The following XPO6 variants were observed in gnomAD, a reference collection of about 807,000 sequenced individuals.
XPO6 encodes the protein exportin 6.
A neutral mutation model predicts 130.0 loss-of-function variants in XPO6; 3 were observed. The ratio of observed to expected loss-of-function variants is 0.02; its 90% CI spans 0.01 to 0.06. The LOEUF is 0.06. Among genes scored for constraint, XPO6 ranks in the 10% least tolerant of loss-of-function variants. The pLI, the probability that XPO6 is intolerant of heterozygous loss-of-function variation, is 1.00. For missense variants in XPO6, 970 were observed against 1,393.0 expected (o/e 0.70, Z 4.83); for synonymous variants, 524 against 548.9 (o/e 0.95, Z 0.63).
chr16:28,139,618 TA>T (rs2042848096), intron 9 of XPO6, among the ~76,000 whole-genome samples: 1 of 152,150 alleles, frequency 6.6e-6, no homozygotes. Context: ...AAAACCTCAA[TA>T]TAAAGAAGAG....
intron 1 of XPO6, among the ~76,000 whole-genome samples, chr16:28,184,916 C>T (rs1398064533): frequency 6.6e-6 from 1 of 152,156 alleles, no homozygotes; most frequent in Non-Finnish European, 1.5e-5. Flanking sequence ...AATTCTACTC[C>T]TTGATATATA....
In XPO6 at chr16:28,101,158, G is replaced by A; in HGVS notation, c.3276+300C>T. ...CATCACCCAGGAGGGAGAACGGCAG[G>A]GTCCTGGGTATGAACAAAGATGCCA... On this transcript the variant is annotated intron_variant, in intron 23 of 23. Transcript: ENST00000304658. This position sits in a 1 kb window ranked among gnomAD's most constrained non-coding sequence, Gnocchi z 5.4. The A allele has an allele frequency of 4.3e-6, 2 of 467,298 alleles. No individual in the cohort carries two copies. Among genetic ancestry groups the A allele is most frequent in the South Asian group, 2.0e-5 (1 of 49,018 alleles). 28.9% of individuals were successfully genotyped at this position (467,298 alleles called of 1,614,324 possible). A position where few individuals can be genotyped will look rare whatever the true frequency, so the allele number is the denominator to read the frequency against.
chr16:28,133,153 C>T (rs577928252), intron 11 of XPO6, among the ~76,000 whole-genome samples: 2 of 152,234 alleles, frequency 1.3e-5, no homozygotes, highest in East Asian at 1.9e-4. Context: ...CTGGCTAACA[C>T]GGTGAAACCC....
rs759193941 is a variant in XPO6 at position 28,104,696 on chromosome 16, A to C, written c.2796T>G (p.Pro932=). 2.5e-6 allele frequency: 4 copies of C among 1,613,988 alleles called. No homozygotes were observed. The East Asian group carries it at 8.9e-5, about 36-fold the overall frequency. ...VYPIIAERPS[P]DVKAELFELL... is the part of the protein sequence containing the mutation. The stretch of plus-strand genomic sequence containing the variant: ...GCTCAAACAGCTCGGCCTTCACATC[A>C]GGGGAGGGACGCTGCAAAGACACAC... The change falls in exon 21 of 24, where the codon CCT becomes CCG. Residue 932 remains proline (P), a synonymous_variant. Transcript: ENST00000304658.
chr16:28,144,505 A>C (rs1476389366), intron 9 of XPO6, among the ~76,000 whole-genome samples: 1 of 152,148 alleles, frequency 6.6e-6, no homozygotes, highest in Non-Finnish European at 1.5e-5. Context: ...TGAACTCCTG[A>C]GCTCCAGCGA....
chr16:28,205,092 A>G (rs1223613041), intron 1 of XPO6, among the ~76,000 whole-genome samples: 2 of 152,110 alleles, frequency 1.3e-5, no homozygotes, highest in African/African-American at 2.4e-5. Context: ...AAAGTGAGGA[A>G]TTAGAGACCA....
rs1488764349 is a variant in XPO6 at position 28,125,782 on chromosome 16, C to T, written c.1673G>A (p.Ser558Asn). 1.2e-6 allele frequency: 2 copies of T among 1,614,198 alleles called. No homozygotes were observed. Among genetic ancestry groups the T allele is most frequent in the Non-Finnish European group, 1.7e-6 (2 of 1,180,034 alleles). Residue 558 changes from serine to asparagine, a missense_variant, in exon 13 of 24, where the codon AGC (serine) becomes AAC (asparagine). Ser to Asn is a conservative substitution (Grantham distance 46, BLOSUM62 1). Transcript: ENST00000304658. ...RRLHCSLRDL[S>N]SLLQAVGRLA... The stretch of plus-strand genomic sequence containing the variant: ...GCGGCCCACGGCCTGCAGCAGGGAG[C>T]TCAAGTCTCTCAGGGAGCAGTGCAG...
At chr16:28,165,391 CTAAAGAA>C (rs1402517121) in intron 6 of XPO6, 1 of 152,156 alleles carries the variant, frequency 6.6e-6, no homozygotes, top group Non-Finnish European at 1.5e-5. Flanking sequence ...AAATATCTAC[CTAAAGAA>C]TAAAGGTTTG....
At chr16:28,188,803 A>C (rs2043738146) in intron 1 of XPO6, among the ~76,000 whole-genome samples, 1 of 151,850 alleles carries the variant, frequency 6.6e-6, no homozygotes, top group Admixed American at 6.6e-5. Flanking sequence ...ACATCTACCT[A>C]TCCCCCTCCT....
In XPO6 at chr16:28,133,831, A is replaced by G; in HGVS notation, c.1536+10T>C. On this transcript the variant is annotated intron_variant, in intron 11 of 23. Coordinates refer to ENST00000304658, the MANE Select transcript of XPO6 (RefSeq NM_015171.4). ...CGCTACACTCTCCACTCCCCCGGACAGCACATTACCAGTGTGGAGAAGGCG... is the reference window on the plus strand; with the variant it reads ...CGCTACACTCTCCACTCCCCCGGACGGCACATTACCAGTGTGGAGAAGGCG... The G allele has an allele frequency of 1.2e-6, 2 of 1,613,912 alleles. No homozygotes were observed. Among genetic ancestry groups the G allele is most frequent in the Non-Finnish European group, 8.5e-7 (1 of 1,179,878 alleles).
At chr16:28,168,859 C>T (rs533775011) in intron 5 of XPO6, among the ~76,000 whole-genome samples, 1 of 151,900 alleles carries the variant, frequency 6.6e-6, no homozygotes, top group East Asian at 1.9e-4. Flanking sequence ...AAGTGATCCT[C>T]CCACCTCAGC....
chr16:28,184,875 A>C (rs1244281111), intron 1 of XPO6, among the ~76,000 whole-genome samples: 1 of 152,218 alleles, frequency 6.6e-6, no homozygotes, highest in Non-Finnish European at 1.5e-5. Context: ...GAAAACTGAC[A>C]GCTAAACATA....
intron 11 of XPO6, among the ~76,000 whole-genome samples, chr16:28,133,065 G>A (rs1365083494): frequency 2.6e-5 from 4 of 152,210 alleles, no homozygotes; most frequent in Admixed American, 6.5e-5. Context: ...GGCCAGGGGC[G>A]GTGGCTCACG....
rs540523783 is a variant in XPO6 at position 28,098,945 on chromosome 16, A to T, written c.3277-306T>A. ...GCCACCAAGCCCTACCAGAACCACT[A>T]GTCTAAGGACAGAAAGACCAAAGCG... On this transcript the variant is annotated intron_variant, in intron 23 of 23. Coordinates refer to ENST00000304658, the MANE Select transcript of XPO6 (RefSeq NM_015171.4). 3.4e-4 allele frequency among the ~76,000 whole-genome samples: 52 copies of T among 152,298 alleles called. 2 individuals carry two copies. The highest frequency in any genetic ancestry group is 5.9e-5 in the Non-Finnish European group (4 of 68,012).
At chr16:28,116,286 C>G (rs1454192159) in intron 15 of XPO6, among the ~76,000 whole-genome samples, 2 of 152,002 alleles carry the variant, frequency 1.3e-5, no homozygotes, top group Non-Finnish European at 2.9e-5. Context: ...ATGGTGAAAC[C>G]CCGTCTCTAC....
chr16:28,169,607 A>T, intron 5 of XPO6, 143 bp downstream of exon 5: 2 of 969,502 alleles, frequency 2.1e-6, no homozygotes, highest in Non-Finnish European at 3.1e-6. Context: ...ACCCTGGGCT[A>T]TAGGTGTTGG....
At chr16:28,197,110 G>A (rs2043876868) in intron 1 of XPO6, among the ~76,000 whole-genome samples, 1 of 151,972 alleles carries the variant, frequency 6.6e-6, no homozygotes, top group Admixed American at 6.6e-5. Flanking sequence ...AAATTAGCCG[G>A]GTGTGATGGC....
chr16:28,189,539 A>G (rs894662678), intron 1 of XPO6, among the ~76,000 whole-genome samples: 5 of 152,108 alleles, frequency 3.3e-5, no homozygotes, highest in African/African-American at 1.2e-4. Context: ...CGAGGTACAA[A>G]TATACATTGA....
At chr16:28,181,900 C>T (rs1363178988) in intron 1 of XPO6, among the ~76,000 whole-genome samples, 4 of 152,128 alleles carry the variant, frequency 2.6e-5, no homozygotes, top group African/African-American at 9.7e-5. Flanking sequence ...GCCCCCAGTA[C>T]CCATCCCCTC....
Sources: allele counts gnomAD v4.1 joint callset (sites outside exome capture counted in the v4.1 genomes callset), GRCh38; gene constraint gnomAD v4.1.1; non-coding constraint Gnocchi (gnomAD v3.1); transcripts MANE v1.5; gene names NCBI Gene and HGNC (gene_info 2026-07-23, HGNC 2026-07-21).